The following JPH2 variants were observed in gnomAD, a reference collection of about 807,000 sequenced individuals.
JPH2 encodes junctophilin 2, also known as junctophilin-2.
Under a neutral mutation model 55.9 loss-of-function variants are expected in JPH2, and 38 were observed. That is an observed-to-expected ratio of 0.68 (90% confidence interval 0.52 to 0.89). JPH2 has a LOEUF of 0.89. JPH2 is among the 40% of genes least tolerant of loss of function. The pLI is 0.00. For synonymous variants in JPH2, 480 were observed against 472.4 expected (o/e 1.02, Z -0.21); for missense variants, 964 against 1,037.6 (o/e 0.93, Z 0.97).
intron 1 of JPH2, among the ~76,000 whole-genome samples, chr20:44,169,108 T>C (rs891801077): frequency 1.3e-5 from 2 of 152,108 alleles, no homozygotes; most frequent in African/African-American, 4.8e-5. Context: ...CACCTTGAAC[T>C]TTCCAGCCAC....
chr20:44,157,875 T>C (rs2072577061), intron 2 of JPH2, among the ~76,000 whole-genome samples: 1 of 151,068 alleles, frequency 6.6e-6, no homozygotes, highest in African/African-American at 2.5e-5. Flanking sequence ...GGACAGGCGA[T>C]TGCCTTTTAC....
intron 4 of JPH2, among the ~76,000 whole-genome samples, chr20:44,115,464 A>C (rs774056790): frequency 6.6e-6 from 1 of 152,142 alleles, no homozygotes. Context: ...CCATGCGGCC[A>C]TTTACGCTCC....
rs904914647 is a variant in JPH2 at position 44,109,596 on chromosome 20, T to C, written c.*3922A>G. On this transcript the variant is annotated 3_prime_UTR_variant, in exon 6 of 6. Transcript: ENST00000372980. ...GCTGAGAGAGTGAGGGAGTGGGAAC[T>C]GGCCTCCATAGGCATAGTCAGAGTT... Among the ~76,000 whole-genome samples the C allele has an allele frequency of 1.3e-5, 2 of 152,228 alleles. No homozygotes were observed. Among genetic ancestry groups the C allele is most frequent in the Non-Finnish European group, 2.9e-5 (2 of 68,032 alleles).
intron 1 of JPH2, among the ~76,000 whole-genome samples, chr20:44,162,745 CATATATATATAT>C (rs1157323951): frequency 0.048 from 2,540 of 52,394 alleles, 75 homozygotes; most frequent in Middle Eastern, 0.2. Flanking sequence ...AATAAACTTC[CATATATATATAT>C]ATATATATAT....
Position 44,180,416 on chromosome 20 carries a change from C to T in JPH2, c.379+5911G>A, listed in dbSNP as rs188383443. On this transcript the variant is annotated intron_variant, in intron 1 of 5. Coordinates refer to ENST00000372980, the MANE Select transcript of JPH2 (RefSeq NM_020433.5). ...GCGTGATCATGGCTCACTGCAGCCTCGACCTCCCGGGCTCAAGCGATCCTC... is the reference window on the plus strand; with the variant it reads ...GCGTGATCATGGCTCACTGCAGCCTTGACCTCCCGGGCTCAAGCGATCCTC... Among the ~76,000 whole-genome samples, 326 of 152,026 alleles carry T rather than the reference C, an allele frequency of 2.1e-3. 11 individuals are homozygous for T. The East Asian group carries it at 0.041, about 19-fold the overall frequency.
At chr20:44,185,848 C>T (rs534433724) in intron 1 of JPH2, among the ~76,000 whole-genome samples, 30 of 149,280 alleles carry the variant, frequency 2.0e-4, no homozygotes, top group Admixed American at 2.7e-4. Context: ...GATGGATGGA[C>T]GGGTGGGTGG....
chr20:44,145,282 A>G (rs2072485627), intron 2 of JPH2, among the ~76,000 whole-genome samples: 1 of 152,032 alleles, frequency 6.6e-6, no homozygotes. Context: ...GCTGGCCTGT[A>G]TGTTCTCTGA....
At chr20:44,142,160 G>T (rs766658324) in intron 2 of JPH2, among the ~76,000 whole-genome samples, 1 of 152,152 alleles carries the variant, frequency 6.6e-6, no homozygotes, top group African/African-American at 2.4e-5. Context: ...ATGGGCAAGC[G>T]CATATGCCCT....
chr20:44,185,334 G>A (rs1260817685), intron 1 of JPH2, among the ~76,000 whole-genome samples: 2 of 151,988 alleles, frequency 1.3e-5, no homozygotes, highest in South Asian at 4.2e-4. Flanking sequence ...AAACACAAAA[G>A]GAATGTAGGC....
At chr20:44,182,821 C>T (rs192532788) in intron 1 of JPH2, among the ~76,000 whole-genome samples, 8 of 152,204 alleles carry the variant, frequency 5.3e-5, no homozygotes, top group South Asian at 2.1e-4. Context: ...TTGTCTTGCT[C>T]GCTGCCCCCA....
Position 44,134,064 on chromosome 20 carries a change from A to ATAAATATATATTTATT in JPH2, c.1170-15442_1170-15441insAATAAATATATATTTA, listed in dbSNP as rs1555855573. ...TATATATAAATATATATTTATTATAAATATATAAATATATATTTATTATAA... is the reference window on the plus strand; with the variant it reads ...TATATATAAATATATATTTATTATAATAAATATATATTTATTATATATAAATATATATTTATTATAA... On this transcript the variant is annotated intron_variant, in intron 2 of 5. Coordinates refer to ENST00000372980, the MANE Select transcript of JPH2 (RefSeq NM_020433.5). Among the ~76,000 whole-genome samples the ATAAATATATATTTATT allele has an allele frequency of 1.9e-4, 4 of 21,042 alleles. 1 individual carries two copies. The highest frequency in any genetic ancestry group is 2.3e-4 in the African/African-American group (1 of 4,408). 13.8% of individuals were successfully genotyped at this position (21,042 alleles called of 152,430 possible).
intron 1 of JPH2, among the ~76,000 whole-genome samples, chr20:44,183,556 G>C (rs958951070): frequency 6.6e-6 from 1 of 152,186 alleles, no homozygotes; most frequent in Non-Finnish European, 1.5e-5. Context: ...AGGGGCCTCG[G>C]CTTCAGCAAA....
Position 44,115,933 on chromosome 20 carries a change from A to G in JPH2, c.1742T>C (p.Phe581Ser). ...GACCTCGGGCTCGGGCTGGTCCTCA[A>G]AGGGTGGGGGCTCGGGCGGCGTGGT... ...VRTTPPEPPP[F>S]EDQPEPEVSG... The change falls in exon 4 of 6, where the codon TTT becomes TCT. Residue 581 changes from phenylalanine (F) to serine (S), a missense_variant. By Grantham distance (155) the Phe-to-Ser change is radical (BLOSUM62 -2). Coordinates refer to ENST00000372980, the MANE Select transcript of JPH2 (RefSeq NM_020433.5). 6.4e-7 allele frequency: 1 copy of G among 1,570,370 alleles called. No homozygotes were observed. The highest frequency in any genetic ancestry group is 8.6e-7 in the Non-Finnish European group (1 of 1,164,930).
Position 44,159,967 on chromosome 20 carries a change from C to CG in JPH2, c.819dup (p.Asp274ArgfsTer126). The CG allele has an allele frequency of 6.3e-7, 1 of 1,593,708 alleles. No individual in the cohort carries two copies. The highest frequency in any genetic ancestry group is 8.5e-7 in the Non-Finnish European group (1 of 1,173,894). On this transcript the variant is annotated frameshift_variant, in exon 2 of 6. Coordinates refer to ENST00000372980, the MANE Select transcript of JPH2 (RefSeq NM_020433.5). LOFTEE classifies it high-confidence loss of function. This position sits in a 1 kb window ranked among gnomAD's most constrained non-coding sequence, Gnocchi z 5.7. ...TCGGCCTCGAAGGGTGCGGCCTCGT[C>CG]GGCGCCCTCGGCGGCCTCTCCCAGG... is the stretch of plus-strand genomic sequence containing the variant.
intron 1 of JPH2, among the ~76,000 whole-genome samples, chr20:44,161,073 C>CACACAT (rs2072606596): frequency 6.6e-6 from 1 of 152,114 alleles, no homozygotes; most frequent in African/African-American, 2.4e-5. Flanking sequence ...GAGACCCTGT[C>CACACAT]ACACATACAC....
At chr20:44,173,458 C>G (rs141706991) in intron 1 of JPH2, among the ~76,000 whole-genome samples, 1 of 152,104 alleles carries the variant, frequency 6.6e-6, no homozygotes, top group Admixed American at 6.6e-5. Flanking sequence ...TCTCCCTAGC[C>G]CCCTGCCCGC....
chr20:44,168,646 T>C (rs2072674488), intron 1 of JPH2, among the ~76,000 whole-genome samples: 1 of 152,222 alleles, frequency 6.6e-6, no homozygotes, highest in South Asian at 2.1e-4. Context: ...GTGGCAGTTG[T>C]TGGCAATCAC....
chr20:44,127,208 G>A lies in JPH2; in HGVS notation c.1170-8585C>T, dbSNP rs147633747. On this transcript the variant is annotated intron_variant, in intron 2 of 5. Transcript: ENST00000372980. Reference sequence around the variant, plus strand: ...CCATATTTTGTTTACCTGTTCAATAGTTGATGGACATTAGGGTGCTTTCCA... The same window carrying A: ...CCATATTTTGTTTACCTGTTCAATAATTGATGGACATTAGGGTGCTTTCCA... Among the ~76,000 whole-genome samples the A allele has an allele frequency of 4.6e-5, 7 of 152,264 alleles. No individual in the cohort carries two copies. The East Asian group carries it at 1.2e-3, about 25-fold the overall frequency.
chr20:44,152,076 G>A (rs184802410), intron 2 of JPH2, among the ~76,000 whole-genome samples: 7 of 152,280 alleles, frequency 4.6e-5, no homozygotes, highest in Middle Eastern at 3.4e-3. Context: ...GCATGGCTTC[G>A]CCCTCAACGT....
Sources: gnomAD v4.1 joint callset for allele counts (sites outside exome capture counted in the v4.1 genomes callset) on GRCh38, gnomAD v4.1.1 for gene constraint, Gnocchi (gnomAD v3.1) non-coding constraint, MANE v1.5 for transcripts, NCBI Gene and HGNC (gene_info 2026-07-23, HGNC 2026-07-21) for gene names.